The following FAS variants were observed in gnomAD, a reference collection of about 807,000 sequenced individuals.
The protein encoded by FAS is tumor necrosis factor receptor superfamily member 6.
A neutral mutation model predicts 33.2 loss-of-function variants in FAS; 5 were observed. The ratio of observed to expected loss-of-function variants is 0.15; its 90% CI spans 0.08 to 0.32. FAS has a LOEUF of 0.32. Ranked by LOEUF, FAS falls within the 10% of genes least tolerant of loss-of-function variation. The pLI, the probability that FAS is intolerant of heterozygous loss-of-function variation, is 1.00. For synonymous variants in FAS, 131 were observed against 130.7 expected, an observed-to-expected ratio of 1.00 and a Z score of -0.01; for missense variants, 339 against 386.0, an observed-to-expected ratio of 0.88 and a Z score of 1.02.
intron 2 of FAS, chr10:88,974,264 T>A (rs1846514763): frequency 1.3e-5 from 2 of 150,776 alleles, no homozygotes; most frequent in South Asian, 4.2e-4. Flanking sequence ...AAAAAAAAAA[T>A]CAGGCTCTCA....
upstream of FAS, among the ~76,000 whole-genome samples, chr10:88,983,807 T>C (rs1252635837): frequency 6.6e-6 from 1 of 152,178 alleles, no homozygotes; most frequent in African/African-American, 2.4e-5. Context: ...AGAAAGAACT[T>C]TGATAAACCC....
rs535637585 is a variant in FAS, at chr10:89,015,996, TCAAA to T, written c.*1549_*1552del. On this transcript the variant is annotated 3_prime_UTR_variant, in exon 9 of 9. Coordinates refer to ENST00000652046, the MANE Select transcript of FAS (RefSeq NM_000043.6). ...CTTCCAAACAGCACATGATTATTCG[TCAAA>T]CAGTTTCGTATTCCAGATACTGGAA... 9.6e-5 allele frequency: 24 copies of T among 250,274 alleles called. No individual in the cohort carries two copies. In the South Asian group the frequency reaches 2.4e-3, roughly 25 times the overall value. 15.5% of individuals were successfully genotyped at this position (250,274 alleles called of 1,614,324 possible).
Position 89,014,285 on chromosome 10 carries a change from G to T in FAS, c.843G>T (p.Trp281Cys). Residue 281 changes from tryptophan (W) to cysteine (C), a missense_variant, in exon 9 of 9, where the codon TGG becomes TGT. This residue lies in a region of FAS where 11 missense variants were observed against 33.2 expected (regional missense o/e 0.33). Transcript: ENST00000652046. ...AEQKVQLLRN[W>C]HQLHGKKEAY... is the part of the protein sequence containing the mutation. The stretch of plus-strand genomic sequence containing the variant: ...AGAAAGTTCAACTGCTTCGTAATTG[G>T]CATCAACTTCATGGAAAGAAAGAAG... 6.2e-7 allele frequency: 1 copy of T among 1,613,944 alleles called. No individual in the cohort carries two copies. The highest frequency in any genetic ancestry group is 8.5e-7 in the Non-Finnish European group (1 of 1,179,930).
At chr10:88,964,567 C>A (rs1846288998) in intron 1 of FAS, among the ~76,000 whole-genome samples, 1 of 152,140 alleles carries the variant, frequency 6.6e-6, no homozygotes, top group Non-Finnish European at 1.5e-5. Flanking sequence ...CAACCTTTGT[C>A]CTTCTTGGTA....
At chr10:88,978,707 G>A (rs1049904431) in intron 2 of FAS, among the ~76,000 whole-genome samples, 2 of 152,158 alleles carry the variant, frequency 1.3e-5, no homozygotes, top group African/African-American at 4.8e-5. Flanking sequence ...GGGAACTGAA[G>A]ATGTCTAGGT....
chr10:88,991,043 G>A (rs1412270618), intron 1 of FAS, 137 bp downstream of exon 1: 1 of 1,189,010 alleles, frequency 8.4e-7, no homozygotes, highest in African/African-American at 1.5e-5. Flanking sequence ...GGGCTGCTGC[G>A]GGAGGCGTTG....
chr10:89,013,413 G>A (rs1223995044), intron 8 of FAS, 46 bp downstream of exon 8: 8 of 1,542,974 alleles, frequency 5.2e-6, no homozygotes, highest in Non-Finnish European at 7.2e-6. Flanking sequence ...ATCCTTTAGA[G>A]TAATAGGCCA....
chr10:89,000,907 C>G (rs9658719), intron 1 of FAS, among the ~76,000 whole-genome samples: 1,238 of 111,576 alleles, frequency 0.011, 13 homozygotes, highest in African/African-American at 0.032. Context: ...AATTAGCCGT[C>G]ATAGTGTGCA....
upstream of FAS, chr10:88,989,428 T>C (rs1389436986): frequency 5.6e-6 from 3 of 533,628 alleles, no homozygotes; most frequent in South Asian, 2.8e-5. Flanking sequence ...AGAATGCCCA[T>C]ATACCATCCT....
At chr10:88,970,333 G>A (rs542296472) in intron 1 of FAS, among the ~76,000 whole-genome samples, 4 of 152,162 alleles carry the variant, frequency 2.6e-5, no homozygotes, top group Non-Finnish European at 5.9e-5. Flanking sequence ...TTATTGACCT[G>A]ATTGTCTGTC....
chr10:89,012,354 T>C (rs561209219), intron 7 of FAS: 13 of 362,414 alleles, frequency 3.6e-5, no homozygotes, highest in South Asian at 3.3e-4. Flanking sequence ...TTTATTTTTA[T>C]TTTTTATAGA....
At chr10:89,001,263 CT>C (rs10600180) in intron 1 of FAS, among the ~76,000 whole-genome samples, 18,015 of 141,958 alleles carry the variant, frequency 0.13, 1,085 homozygotes, top group Non-Finnish European at 0.14. Context: ...CACTGAATGC[CT>C]TTTTTTTTTT....
At chr10:88,973,946 C>T (rs11812622) in intron 2 of FAS, 12,981 of 152,370 alleles carry the variant, frequency 0.085, 718 homozygotes, top group Non-Finnish European at 0.13. Flanking sequence ...GGACTACAGG[C>T]GTGCACCACC....
chr10:88,982,430 T>C (rs984959801), upstream of FAS, among the ~76,000 whole-genome samples: 1 of 149,088 alleles, frequency 6.7e-6, no homozygotes, highest in African/African-American at 2.5e-5. Flanking sequence ...GTTTTTTTCT[T>C]TTTTTTTTTG....
Position 89,015,518 on chromosome 10 carries a change from T to C in FAS, c.*1068T>C. On this transcript the variant is annotated 3_prime_UTR_variant, in exon 9 of 9. Coordinates refer to ENST00000652046, the MANE Select transcript of FAS (RefSeq NM_000043.6). ...AAAATCATCATCTGGATTTAGGAAT[T>C]GCTCTTGTCATACCCCCAAGTTTCT... 1.9e-6 allele frequency: 1 copy of C among 534,720 alleles called. No individual in the cohort carries two copies. The highest frequency in any genetic ancestry group is 3.6e-6 in the Non-Finnish European group (1 of 276,676). The allele number at this position is 534,720 out of a possible 1,614,324, so 33.1% of individuals were successfully genotyped here. A position where few individuals can be genotyped will look rare whatever the true frequency, so the allele number is the denominator to read the frequency against.
chr10:88,990,036 C>T (rs1280348644), upstream of FAS, among the ~76,000 whole-genome samples: 2 of 152,012 alleles, frequency 1.3e-5, no homozygotes, highest in East Asian at 3.8e-4. This position sits in a 1 kb window ranked among gnomAD's most constrained non-coding sequence, Gnocchi z 4.9. Context: ...TAATGAGTAA[C>T]GAAGGACAGG....
At chr10:88,994,595 CTAATG>C (rs1239151141) in intron 1 of FAS, among the ~76,000 whole-genome samples, 1 of 152,030 alleles carries the variant, frequency 6.6e-6, no homozygotes, top group Non-Finnish European at 1.5e-5. Flanking sequence ...TCTCACCACA[CTAATG>C]TAAAGAATTT....
At chr10:88,990,392 C>A, upstream of FAS, 1 of 434,126 alleles carries the variant, frequency 2.3e-6, no homozygotes, top group Non-Finnish European at 4.4e-6. This position sits in a 1 kb window ranked among gnomAD's most constrained non-coding sequence, Gnocchi z 4.9. Flanking sequence ...CAGCAGAAGC[C>A]TTTAGAAAGG....
chr10:88,990,657 G>C (rs904814296), upstream of FAS: 6 of 699,222 alleles, frequency 8.6e-6, no homozygotes, highest in African/African-American at 8.8e-5. The surrounding 1 kb of genome is among the most constrained non-coding windows in gnomAD (Gnocchi z 4.9). Flanking sequence ...CTGATCTCGC[G>C]CAAGAGTGAC....
Sources: gnomAD v4.1 joint callset for allele counts (sites outside exome capture counted in the v4.1 genomes callset) on GRCh38, gnomAD v4.1.1 for gene constraint, gnomAD v4.1.1 regional missense constraint, Gnocchi (gnomAD v3.1) non-coding constraint, MANE v1.5 for transcripts, NCBI Gene and HGNC (gene_info 2026-07-23, HGNC 2026-07-21) for gene names.